The following EYS variants were observed in gnomAD, a reference collection of about 807,000 sequenced individuals.
The protein encoded by EYS is EGF-like photoreceptor maintenance factor, also known as protein eyes shut homolog.
Under a neutral mutation model 282.1 loss-of-function variants are expected in EYS, and 250 were observed. The observed-to-expected ratio is 0.89, with a 90% confidence interval of 0.80 to 0.98. EYS has a LOEUF of 0.98. Among genes scored for constraint, EYS ranks in the 50% least tolerant of loss-of-function variants. EYS has a pLI of 0.00. For synonymous variants in EYS, 1,355 were observed against 1,282.9 expected, an observed-to-expected ratio of 1.06 and a Z score of -1.20; for missense variants, 4,016 against 3,709.0, an observed-to-expected ratio of 1.08 and a Z score of -2.15.
intron 22 of EYS, among the ~76,000 whole-genome samples, chr6:64,802,790 T>G (rs1764289798): frequency 6.6e-6 from 1 of 152,240 alleles, no homozygotes; most frequent in Non-Finnish European, 1.5e-5. Flanking sequence ...AAAGATTTTA[T>G]GTATCATCTA....
At chr6:63,999,860 G>T (rs1002521321) in intron 33 of EYS, among the ~76,000 whole-genome samples, 1 of 152,110 alleles carries the variant, frequency 6.6e-6, no homozygotes, top group Admixed American at 6.5e-5. Context: ...AAGGTACTTG[G>T]CATATTTTTT....
At chr6:64,192,289 C>T (rs1348913372) in intron 31 of EYS, among the ~76,000 whole-genome samples, 3 of 152,026 alleles carry the variant, frequency 2.0e-5, no homozygotes, top group African/African-American at 7.2e-5. Flanking sequence ...TGCTTGTTCA[C>T]TCTGATGGTA....
chr6:65,636,000 A>G (rs943930399), intron 2 of EYS, among the ~76,000 whole-genome samples: 6 of 152,182 alleles, frequency 3.9e-5, no homozygotes, highest in Non-Finnish European at 7.3e-5. Flanking sequence ...TAACAACCCC[A>G]TCTTCTGTGT....
chr6:64,885,357 G>A (rs1767055198), intron 19 of EYS, among the ~76,000 whole-genome samples: 1 of 151,642 alleles, frequency 6.6e-6, no homozygotes, highest in Non-Finnish European at 1.5e-5. Flanking sequence ...TAAAGAACAT[G>A]TTAATCTTTC....
At chr6:65,158,575 T>C (rs1764781471) in intron 12 of EYS, among the ~76,000 whole-genome samples, 1 of 150,866 alleles carries the variant, frequency 6.6e-6, no homozygotes, top group Non-Finnish European at 1.5e-5. Flanking sequence ...TTGTAGATAA[T>C]TTCCTTTTTA....
chr6:64,508,827 T>C (rs984269146), intron 26 of EYS, among the ~76,000 whole-genome samples: 14 of 152,002 alleles, frequency 9.2e-5, no homozygotes, highest in Non-Finnish European at 1.8e-4. Flanking sequence ...AGTTTTAGCA[T>C]GATTCAAACT....
chr6:63,720,935 C>T lies in EYS; in HGVS notation c.9096G>A (p.Met3032Ile). The T allele has an allele frequency of 1.3e-6, 2 of 1,551,250 alleles. No individual in the cohort carries two copies. The highest frequency in any genetic ancestry group is 1.7e-6 in the Non-Finnish European group (2 of 1,146,750). The change falls in exon 43 of 43, where the codon ATG becomes ATA. Residue 3032 changes from methionine (M) to isoleucine (I), a missense_variant. Transcript: ENST00000503581. ...VNLGERISVP[M>I]SYNNGTFCCN... ...AACAGAATGTGCCATTGTTATAGCT[C>T]ATAGGCACAGAGATTCTTTCTCCCA...
chr6:65,246,637 C>A (rs1767187186), intron 12 of EYS, among the ~76,000 whole-genome samples: 1 of 152,044 alleles, frequency 6.6e-6, no homozygotes, highest in African/African-American at 2.4e-5. Context: ...CCCATTTGCT[C>A]ATATTGCCTT....
intron 30 of EYS, among the ~76,000 whole-genome samples, chr6:64,250,613 C>T (rs1767179096): frequency 6.6e-6 from 1 of 152,140 alleles, no homozygotes; most frequent in Non-Finnish European, 1.5e-5. Flanking sequence ...AATCCAATAG[C>T]TTACATTGAA....
At chr6:63,946,604 C>G (rs764336956) in intron 35 of EYS, among the ~76,000 whole-genome samples, 1 of 151,736 alleles carries the variant, frequency 6.6e-6, no homozygotes, top group Non-Finnish European at 1.5e-5. Flanking sequence ...TACTGGTTTA[C>G]AAAATTGGTT....
chr6:64,941,350 A>C (rs2150093087), intron 15 of EYS, among the ~76,000 whole-genome samples: 1 of 152,236 alleles, frequency 6.6e-6, no homozygotes, highest in South Asian at 2.1e-4. Flanking sequence ...ACTGCACTCC[A>C]GCCTGGAAAA....
intron 40 of EYS, among the ~76,000 whole-genome samples, chr6:63,768,718 T>C (rs896675345): frequency 6.6e-6 from 1 of 152,136 alleles, no homozygotes; most frequent in African/African-American, 2.4e-5. Context: ...ATACCATTAC[T>C]GGCTATATAC....
At chr6:65,025,507 A>G (rs1772382479) in intron 13 of EYS, among the ~76,000 whole-genome samples, 1 of 152,190 alleles carries the variant, frequency 6.6e-6, no homozygotes, top group Admixed American at 6.5e-5. Context: ...TCAAGCAGTA[A>G]AAAGATTGAA....
At chr6:65,452,281 A>C (rs570565534) in intron 5 of EYS, among the ~76,000 whole-genome samples, 27 of 151,932 alleles carry the variant, frequency 1.8e-4, no homozygotes, top group African/African-American at 6.3e-4. Context: ...TTTGATTTTA[A>C]TAAAACATGA....
intron 12 of EYS, among the ~76,000 whole-genome samples, chr6:65,249,425 C>T (rs1411504477): frequency 6.6e-6 from 1 of 151,948 alleles, no homozygotes; most frequent in Admixed American, 6.6e-5. Flanking sequence ...TCAGGTCATG[C>T]AACTCCCAGT....
intron 2 of EYS, among the ~76,000 whole-genome samples, chr6:65,510,448 C>T (rs1378795167): frequency 6.6e-6 from 1 of 151,990 alleles, no homozygotes; most frequent in Non-Finnish European, 1.5e-5. Flanking sequence ...TCCAATAGGT[C>T]TCTCAGCAAG....
At chr6:64,309,621 G>A (rs1004993632) in intron 29 of EYS, among the ~76,000 whole-genome samples, 1 of 151,624 alleles carries the variant, frequency 6.6e-6, no homozygotes, top group Admixed American at 6.6e-5. Flanking sequence ...CAAAGGACAT[G>A]AACAGACACT....
At position 63,721,677 on chromosome 6, in the gene EYS, A is replaced by G. The variant is rs962118808; in HGVS notation, c.8354T>C (p.Ile2785Thr). The change falls in exon 43 of 43, where the codon ATA becomes ACA. Residue 2785 changes from isoleucine to threonine, a missense_variant. Ile to Thr is a moderately conservative substitution (Grantham distance 89). Coordinates refer to ENST00000503581, the MANE Select transcript of EYS (RefSeq NM_001142800.2). ...KVTINGSTWH[I>T]IKAGRVGAEG... ...TGCACCAACTCTTCCTGCTTTTATT[A>G]TATGCCAAGTACTTCCGTTTATAGT... 5 of 1,551,332 alleles carry G rather than the reference A, an allele frequency of 3.2e-6. No homozygotes were observed. Among genetic ancestry groups the G allele is most frequent in the African/African-American group, 1.4e-5 (1 of 73,022 alleles).
At chr6:63,880,491 C>G (rs980208148) in intron 35 of EYS, among the ~76,000 whole-genome samples, 30 of 149,970 alleles carry the variant, frequency 2.0e-4, no homozygotes, top group African/African-American at 6.2e-4. Context: ...CTGTCTGTAT[C>G]TATCTATCTA....
Sources: allele counts gnomAD v4.1 joint callset (sites outside exome capture counted in the v4.1 genomes callset), GRCh38; gene constraint gnomAD v4.1.1; transcripts MANE v1.5; gene names NCBI Gene and HGNC (gene_info 2026-07-23, HGNC 2026-07-21).